Variants in MFGE8 observed in about 807,000 individuals in gnomAD.
The protein encoded by MFGE8 is lactadherin.
A neutral mutation model predicts 42.6 loss-of-function variants in MFGE8; 34 were observed. The ratio of observed to expected loss-of-function variants is 0.80; its 90% CI spans 0.61 to 1.06. The LOEUF (loss-of-function observed/expected upper bound fraction) is 1.06, where lower values mean the gene tolerates loss of function less well. Among genes scored for constraint, MFGE8 ranks in the 50% least tolerant of loss-of-function variants. The pLI is 0.00. For synonymous variants in MFGE8, 230 were observed against 214.8 expected, an observed-to-expected ratio of 1.07 and a Z score of -0.62; for missense variants, 510 against 516.9, an observed-to-expected ratio of 0.99 and a Z score of 0.13.
intron 1 of MFGE8, 87 bp from the exon 2 acceptor site, chr15:88,910,010 A>G: frequency 6.6e-7 from 1 of 1,523,656 alleles, no homozygotes; most frequent in Non-Finnish European, 9.1e-7. Context: ...CCAGCCCAAA[A>G]GGACCCTCCA....
At chr15:88,901,443 T>C in intron 6 of MFGE8, 108 bp downstream of exon 6, 1 of 1,094,740 alleles carries the variant, frequency 9.1e-7, no homozygotes, top group Non-Finnish European at 1.3e-6. Context: ...TTTCCAGAAC[T>C]CTTTTGGGGA....
chr15:88,912,079 GGGAAAA>G lies in MFGE8; in HGVS notation c.73+1162_73+1167del, dbSNP rs746443080. 7.8e-6 allele frequency: 10 copies of G among 1,281,704 alleles called. No individual in the cohort carries two copies. The South Asian group carries it at 1.2e-4, about 16-fold the overall frequency. 79.4% of individuals were successfully genotyped at this position (1,281,704 alleles called of 1,614,324 possible). A position where few individuals can be genotyped will look rare whatever the true frequency, so the allele number is the denominator to read the frequency against. On this transcript the variant is annotated intron_variant, in intron 1 of 7. Coordinates refer to ENST00000268150, the MANE Select transcript of MFGE8 (RefSeq NM_005928.4). ...CTGCTCCAGGGCAAAACGGTCCAGT[GGGAAAA>G]AGGGAAAGGGAAAGGTGTACTCTAC...
chr15:88,901,430 G>C (rs765350741), intron 6 of MFGE8, 121 bp downstream of exon 6: 34 of 959,964 alleles, frequency 3.5e-5, no homozygotes, highest in Non-Finnish European at 5.4e-5. Flanking sequence ...GAAAAACAAG[G>C]CTTTTCCAGA....
intron 2 of MFGE8, among the ~76,000 whole-genome samples, chr15:88,909,292 C>T (rs533716666): frequency 6.6e-6 from 1 of 152,228 alleles, no homozygotes; most frequent in African/African-American, 2.4e-5. Context: ...CAGGCCTCTC[C>T]CTTCTCCCCG....
chr15:88,900,559 G>A (rs969019069), intron 6 of MFGE8: 1 of 230,596 alleles, frequency 4.3e-6, no homozygotes, highest in Non-Finnish European at 7.1e-6. Context: ...GGGGCCCTGA[G>A]ACAGACCTCC....
chr15:88,901,512 A>ACCCCCCC, intron 6 of MFGE8, 39 bp downstream of exon 6: 1 of 667,104 alleles, frequency 1.5e-6, no homozygotes, highest in Non-Finnish European at 2.7e-6. Flanking sequence ...ACCTCATCCC[A>ACCCCCCC]CCCAACCCCA....
At position 88,906,690 on chromosome 15, in the gene MFGE8, T is replaced by C. The variant is rs969643668; in HGVS notation, c.476A>G (p.Lys159Arg). The stretch of plus-strand genomic sequence containing the variant: ...GTGTCCATTAAGGCTGTAGGCCACC[T>C]TGAAGGCCTTCAGGTACTCATGACT... The part of the protein sequence containing the change: ...LASHEYLKAF[K>R]VAYSLNGHEF... Residue 159 changes from lysine to arginine, a missense_variant, in exon 4 of 8, where the codon AAG becomes AGG. Physicochemically the swap from Lys to Arg is conservative, Grantham distance 26. Coordinates refer to ENST00000268150, the MANE Select transcript of MFGE8 (RefSeq NM_005928.4). The surrounding 1 kb of genome is among the most constrained non-coding windows in gnomAD (Gnocchi z 4.2). The C allele has an allele frequency of 6.2e-7, 1 of 1,613,794 alleles. No individual in the cohort carries two copies. Among genetic ancestry groups the C allele is most frequent in the African/African-American group, 1.3e-5 (1 of 74,872 alleles).
At position 88,906,765 on chromosome 15, in the gene MFGE8, C is replaced by T. The variant is rs1273675834; in HGVS notation, c.401G>A (p.Arg134Gln). 1.9e-6 allele frequency: 3 copies of T among 1,613,004 alleles called. No homozygotes were observed. The highest frequency in any genetic ancestry group is 2.5e-6 in the Non-Finnish European group (3 of 1,179,854). ...DNPWIQVNLLRRMWVTGVVTQ... is the reference protein window; with the variant it reads ...DNPWIQVNLLQRMWVTGVVTQ... Reference sequence around the variant, plus strand: ...CACCACACCTGTTACCCACATCCTCCGCAGCAGGTTCACCTGGACACAGGG... The same window carrying T: ...CACCACACCTGTTACCCACATCCTCTGCAGCAGGTTCACCTGGACACAGGG... Residue 134 changes from arginine (R) to glutamine (Q), a missense_variant, in exon 4 of 8, where the codon CGG becomes CAG. By Grantham distance (43) the Arg-to-Gln change is conservative (BLOSUM62 1). Coordinates refer to ENST00000268150, the MANE Select transcript of MFGE8 (RefSeq NM_005928.4). This position sits in a 1 kb window ranked among gnomAD's most constrained non-coding sequence, Gnocchi z 4.2.
At position 88,902,553 on chromosome 15, in the gene MFGE8, G is replaced by A. The variant is rs1879530; in HGVS notation, c.686-818C>T. On this transcript the variant is annotated intron_variant, in intron 5 of 7. Coordinates refer to ENST00000268150, the MANE Select transcript of MFGE8 (RefSeq NM_005928.4). The surrounding 1 kb of genome is among the most constrained non-coding windows in gnomAD (Gnocchi z 4.3). ...GCCCCCTGACTTAGTGTCTCCCAGA[G>A]GGCCTTCGCACACTCAAATGTTCTG... is the stretch of plus-strand genomic sequence containing the variant. 0.14 allele frequency: 21,196 copies of A among 152,272 alleles called. 1,848 individuals are homozygous for A. Among genetic ancestry groups the A allele is most frequent in the Non-Finnish European group, 0.2 (13,333 of 68,026 alleles). The allele number at this position is 152,272 out of a possible 1,614,324, so 9.4% of individuals were successfully genotyped here. A position where few individuals can be genotyped will look rare whatever the true frequency, so the allele number is the denominator to read the frequency against.
In MFGE8 at chr15:88,907,393, G is replaced by A. The variant is rs777738925; in HGVS notation, c.206-17C>T. 5.6e-6 allele frequency: 9 copies of A among 1,613,592 alleles called. No individual in the cohort carries two copies. The highest frequency in any genetic ancestry group is 7.6e-6 in the Non-Finnish European group (9 of 1,179,674). On this transcript the variant is annotated splice_polypyrimidine_tract_variant and intron_variant, in intron 2 of 7. Transcript: ENST00000268150. ...CGACACATTCTGAGGGAAGGGAGGT[G>A]GCAGTCAGGTGGCTACCCCAGCAGG...
rs751265614 is a variant in MFGE8, at chr15:88,906,622, C to T, written c.540+4G>A. The T allele has an allele frequency of 8.7e-6, 14 of 1,613,870 alleles. No homozygotes were observed. The African/African-American group carries it at 1.9e-4, about 22-fold the overall frequency. On this transcript the variant is annotated splice_donor_region_variant and intron_variant, in intron 4 of 7. Transcript: ENST00000268150. The surrounding 1 kb of genome is among the most constrained non-coding windows in gnomAD (Gnocchi z 4.2). ...CCCTTCTTTCGGGCCCCAACAAGACCTACCTTGTGTTTTTTATTAACATCA... is the reference window on the plus strand; with the variant it reads ...CCCTTCTTTCGGGCCCCAACAAGACTTACCTTGTGTTTTTTATTAACATCA...
In MFGE8 at chr15:88,909,783, C is replaced by G. The variant is rs77472304; in HGVS notation, c.205+9G>C. ...TAGAAACAGGCAACAAGCACCCCCA[C>G]ATACTCACTCGTCTCACAGTGGTTG... On this transcript the variant is annotated intron_variant, in intron 2 of 7. Transcript: ENST00000268150. The G allele has an allele frequency of 4.3e-3, 6,952 of 1,613,962 alleles. 286 individuals are homozygous for G. In the African/African-American group the frequency reaches 0.08, roughly 19 times the overall value.
Position 88,899,508 on chromosome 15 carries a change from G to A in MFGE8, c.1051C>T (p.His351Tyr). 1 of 1,614,218 alleles carries A rather than the reference G, an allele frequency of 6.2e-7. No homozygotes were observed. Among genetic ancestry groups the A allele is most frequent in the Non-Finnish European group, 8.5e-7 (1 of 1,180,028 alleles). The change falls in exon 8 of 8, where the codon CAC becomes TAC. Residue 351 changes from histidine to tyrosine, a missense_variant. His to Tyr is a moderately conservative substitution (Grantham distance 83). Transcript: ENST00000268150. The surrounding 1 kb of genome is among the most constrained non-coding windows in gnomAD (Gnocchi z 6.8). ...TCAAACAAGTTCTTCTTGTGGGAGT[G>A]GTTGTCCCAGTTGCCAGGGAAGATC... ...SKIFPGNWDN[H>Y]SHKKNLFETP...
chr15:88,901,399 G>C (rs976386322), intron 6 of MFGE8, 152 bp downstream of exon 6: 4 of 728,434 alleles, frequency 5.5e-6, no homozygotes, highest in South Asian at 3.7e-5. Flanking sequence ...GTACAGGTGG[G>C]AAGAAGAAAG....
chr15:88,910,047 C>G (rs985245856), intron 1 of MFGE8, 124 bp from the exon 2 acceptor site: 1 of 1,227,700 alleles, frequency 8.1e-7, no homozygotes, highest in Non-Finnish European at 1.2e-6. Flanking sequence ...ATCTCTTCCT[C>G]TCCCTCTTCC....
intron 6 of MFGE8, 30 bp downstream of exon 6, chr15:88,901,521 C>CCCCCCCCA: frequency 1.6e-6 from 2 of 1,271,266 alleles, no homozygotes; most frequent in Non-Finnish European, 1.1e-6. Context: ...CACCCAACCC[C>CCCCCCCCA]AGCCCCATAT....
At position 88,899,319 on chromosome 15, in the gene MFGE8, T is replaced by G; in HGVS notation, c.*76A>C. The G allele has an allele frequency of 2.5e-6, 4 of 1,585,108 alleles. No homozygotes were observed. The highest frequency in any genetic ancestry group is 3.4e-6 in the Non-Finnish European group (4 of 1,162,674). On this transcript the variant is annotated 3_prime_UTR_variant, in exon 8 of 8. Coordinates refer to ENST00000268150, the MANE Select transcript of MFGE8 (RefSeq NM_005928.4). The surrounding 1 kb of genome is among the most constrained non-coding windows in gnomAD (Gnocchi z 6.8). The stretch of plus-strand genomic sequence containing the variant: ...CCTTCCCCAGTCCCCAGCCCTATGG[T>G]GATTTAAAGGGGCTGAGAAGCCAAG...
chr15:88,907,100 C>G, intron 3 of MFGE8, 95 bp downstream of exon 3: 1 of 1,469,904 alleles, frequency 6.8e-7, no homozygotes, highest in South Asian at 1.2e-5. Context: ...CACCTGAACC[C>G]CAGTGATGAA....
intron 1 of MFGE8, chr15:88,912,933 A>AT (rs1236467827): frequency 3.0e-6 from 3 of 985,208 alleles, no homozygotes; most frequent in East Asian, 1.1e-4. Flanking sequence ...CCCTGGCCTC[A>AT]TTTTTCACCA....
Sources: gnomAD v4.1 joint callset for allele counts (sites outside exome capture counted in the v4.1 genomes callset) on GRCh38, gnomAD v4.1.1 for gene constraint, Gnocchi (gnomAD v3.1) non-coding constraint, MANE v1.5 for transcripts, NCBI Gene and HGNC (gene_info 2026-07-23, HGNC 2026-07-21) for gene names.